NFATC2: variants seen among roughly 807,000 people sequenced by gnomAD.
NFATC2 encodes the protein nuclear factor of activated T cells 2, also known as nuclear factor of activated T-cells, cytoplasmic 2.
NFATC2 carries 22 observed loss-of-function variants against 87.3 expected under a neutral mutation model. The observed-to-expected ratio is 0.25, with a 90% CI of 0.18 to 0.36. The LOEUF (loss-of-function observed/expected upper bound fraction) is 0.36, where lower values mean the gene tolerates loss of function less well. Ranked by LOEUF, NFATC2 falls within the 10% of genes least tolerant of loss-of-function variation. The pLI is 1.00. For missense variants in NFATC2, 1,149 were observed against 1,259.1 expected (o/e 0.91, Z 1.32); for synonymous variants, 565 against 542.2 (o/e 1.04, Z -0.58).
At chr20:51,532,929 C>A (rs763879428) in intron 1 of NFATC2, among the ~76,000 whole-genome samples, 4 of 152,174 alleles carry the variant, frequency 2.6e-5, no homozygotes, top group Non-Finnish European at 5.9e-5. Flanking sequence ...CTGGATGCCC[C>A]TCCGATGGGC....
chr20:51,491,895 C>T (rs1264342332), intron 3 of NFATC2, among the ~76,000 whole-genome samples: 2 of 149,254 alleles, frequency 1.3e-5, no homozygotes, highest in Non-Finnish European at 3.0e-5. Context: ...CACACACACA[C>T]ACACACACAC....
At chr20:51,428,607 T>C (rs577700068) in intron 9 of NFATC2, among the ~76,000 whole-genome samples, 7 of 152,200 alleles carry the variant, frequency 4.6e-5, no homozygotes, top group African/African-American at 1.7e-4. Flanking sequence ...GACGCTGGGA[T>C]CACTGGCCAA....
In NFATC2 at chr20:51,516,937, G is replaced by A. The variant is rs201706470; in HGVS notation, c.1179C>T (p.Ser393=). 1.2e-5 allele frequency: 19 copies of A among 1,611,288 alleles called. No individual in the cohort carries two copies. The highest frequency in any genetic ancestry group is 1.5e-5 in the Non-Finnish European group (18 of 1,179,104). ...IPICSIPVTA[S]LPPLEWPLSS... Reference sequence around the variant, plus strand: ...ACAGCGGCCACTCAAGTGGAGGGAGGGATGCAGTCACTGGGATGCTAAAGG... The same window carrying A: ...ACAGCGGCCACTCAAGTGGAGGGAGAGATGCAGTCACTGGGATGCTAAAGG... The change falls in exon 3 of 11, where the codon TCC becomes TCT. Residue 393 remains serine (S), a synonymous_variant. Coordinates refer to ENST00000371564, the MANE Select transcript of NFATC2 (RefSeq NM_012340.5).
At chr20:51,453,968 T>A (rs1299408256) in intron 6 of NFATC2, among the ~76,000 whole-genome samples, 1 of 152,220 alleles carries the variant, frequency 6.6e-6, no homozygotes, top group African/African-American at 2.4e-5. Flanking sequence ...ATCCTAGAAG[T>A]ATAAGCTGAT....
At chr20:51,527,316 A>C (rs1390018058) in intron 1 of NFATC2, among the ~76,000 whole-genome samples, 1 of 151,968 alleles carries the variant, frequency 6.6e-6, no homozygotes, top group African/African-American at 2.4e-5. Flanking sequence ...TCTCCACAGG[A>C]CTAAAGCCCA....
At chr20:51,445,833 G>T (rs868864974) in intron 6 of NFATC2, among the ~76,000 whole-genome samples, 1 of 152,214 alleles carries the variant, frequency 6.6e-6, no homozygotes, top group Non-Finnish European at 1.5e-5. Context: ...AGCACCGGGG[G>T]CTGAGTGAGT....
intron 8 of NFATC2, among the ~76,000 whole-genome samples, chr20:51,433,512 T>C (rs1983077725): frequency 6.6e-6 from 1 of 152,210 alleles, no homozygotes; most frequent in South Asian, 2.1e-4. Flanking sequence ...CAATGCTTGC[T>C]GTCACTGCTA....
At chr20:51,421,473 G>A (rs1980905689) in intron 9 of NFATC2, among the ~76,000 whole-genome samples, 2 of 152,174 alleles carry the variant, frequency 1.3e-5, no homozygotes, top group Non-Finnish European at 1.5e-5. Flanking sequence ...AGTGAAATCG[G>A]TGAAGTCTAA....
chr20:51,540,646 A>ATTTTTTTTTTTTTTTT (rs1382525277), intron 1 of NFATC2, among the ~76,000 whole-genome samples: 5 of 58,650 alleles, frequency 8.5e-5, no homozygotes, highest in South Asian at 8.5e-4. Context: ...CAAAAACTGA[A>ATTTTTTTTTTTTTTTT]GTTTTTTTTT....
chr20:51,515,582 G>A (rs942936127), intron 3 of NFATC2, among the ~76,000 whole-genome samples: 12 of 151,816 alleles, frequency 7.9e-5, no homozygotes, highest in Admixed American at 1.3e-4. Flanking sequence ...GAATGCAGTC[G>A]ACAACTACTA....
intron 9 of NFATC2, among the ~76,000 whole-genome samples, chr20:51,429,618 C>A (rs1233163191): frequency 6.6e-6 from 1 of 152,258 alleles, no homozygotes; most frequent in African/African-American, 2.4e-5. Flanking sequence ...GTGGACATCA[C>A]CACCTGGAGC....
intron 4 of NFATC2, 22 bp downstream of exon 4, chr20:51,475,436 G>A (rs764068627): frequency 6.6e-5 from 107 of 1,612,016 alleles, no homozygotes; most frequent in Non-Finnish European, 8.5e-5. Context: ...AAGACCCGCC[G>A]CCCTCAGCTC....
chr20:51,399,307 CTATTGTAAA>C (rs1301385716), intron 9 of NFATC2: 1 of 152,924 alleles, frequency 6.5e-6, no homozygotes, highest in African/African-American at 2.4e-5. Context: ...CCTGGGGAGT[CTATTGTAAA>C]TAATACTCCT....
chr20:51,400,473 G>C (rs1987901339), intron 9 of NFATC2, among the ~76,000 whole-genome samples: 1 of 151,406 alleles, frequency 6.6e-6, no homozygotes, highest in Non-Finnish European at 1.5e-5. Flanking sequence ...ATGGGGGGTG[G>C]GGGGGCACAA....
In NFATC2 at chr20:51,387,679, G is replaced by A. The variant is rs113094116; in HGVS notation, c.*3817C>T. 1 of 152,128 alleles carries A rather than the reference G, an allele frequency of 6.6e-6. No homozygotes were observed. The highest frequency in any genetic ancestry group is 1.5e-5 in the Non-Finnish European group (1 of 67,988). The allele number at this position is 152,128 out of a possible 1,614,324, so 9.4% of individuals were successfully genotyped here. On this transcript the variant is annotated 3_prime_UTR_variant, in exon 11 of 11. Transcript: ENST00000371564. ...CCACGAAACGTAATGCCCTAGCCTC[G>A]AGCCTAGGAGACCCAAGGTTAAGAT...
At chr20:51,394,814 CTG>C (rs1213627692) in intron 10 of NFATC2, among the ~76,000 whole-genome samples, 1 of 150,060 alleles carries the variant, frequency 6.7e-6, no homozygotes, top group African/African-American at 2.5e-5. Context: ...AGGCCAGCAA[CTG>C]TACCTCTCCT....
At chr20:51,464,047 G>A (rs1017313242) in intron 5 of NFATC2, among the ~76,000 whole-genome samples, 1 of 152,146 alleles carries the variant, frequency 6.6e-6, no homozygotes, top group South Asian at 2.1e-4. Flanking sequence ...GATAACTATT[G>A]GGGTTCCTTC....
intron 9 of NFATC2, among the ~76,000 whole-genome samples, chr20:51,429,211 T>C (rs1304784302): frequency 6.6e-6 from 1 of 152,184 alleles, no homozygotes; most frequent in Non-Finnish European, 1.5e-5. Context: ...GAGACAAAAC[T>C]GCACCCACAT....
chr20:51,446,172 C>T (rs533948181), intron 6 of NFATC2, among the ~76,000 whole-genome samples: 15 of 152,298 alleles, frequency 9.8e-5, no homozygotes, highest in Middle Eastern at 3.4e-3. Flanking sequence ...GGCTATGACT[C>T]CAGGAGTCTG....
Sources: allele counts gnomAD v4.1 joint callset (sites outside exome capture counted in the v4.1 genomes callset), GRCh38; gene constraint gnomAD v4.1.1; transcripts MANE v1.5; gene names NCBI Gene and HGNC (gene_info 2026-07-23, HGNC 2026-07-21).